GNAQ: variants seen among roughly 807,000 people sequenced by gnomAD.
The protein encoded by GNAQ is guanine nucleotide-binding protein G(q) subunit alpha.
GNAQ carries 8 observed loss-of-function variants against 43.9 expected under a neutral mutation model. The observed-to-expected ratio is 0.18, with a 90% CI of 0.11 to 0.33. GNAQ has a LOEUF of 0.33. Ranked by LOEUF, GNAQ falls within the 10% of genes least tolerant of loss-of-function variation. The probability of loss-of-function intolerance (pLI) is 1.00; values close to 1 mark genes in which losing one functional copy is unlikely to be tolerated. For synonymous variants in GNAQ, 155 were observed against 170.7 expected, an observed-to-expected ratio of 0.91 and a Z score of 0.71; for missense variants, 158 against 450.8, an observed-to-expected ratio of 0.35 and a Z score of 5.88.
At chr9:77,777,127 T>C (rs1826316818) in intron 5 of GNAQ, among the ~76,000 whole-genome samples, 1 of 152,098 alleles carries the variant, frequency 6.6e-6, no homozygotes, top group South Asian at 2.1e-4. Flanking sequence ...GACAATCCAA[T>C]GTGGAAAGAA....
At chr9:77,978,802 AT>A (rs1823333646) in intron 1 of GNAQ, among the ~76,000 whole-genome samples, 1 of 152,204 alleles carries the variant, frequency 6.6e-6, no homozygotes, top group East Asian at 1.9e-4. Context: ...GCTCACGCCT[AT>A]AATCCCAGCA....
chr9:78,002,908 T>G (rs143661382), intron 1 of GNAQ, among the ~76,000 whole-genome samples: 1 of 152,150 alleles, frequency 6.6e-6, no homozygotes, highest in African/African-American at 2.4e-5. Flanking sequence ...CAGTCTACCA[T>G]AGCATCTAGT....
chr9:77,897,256 G>C (rs1828518805), intron 2 of GNAQ, among the ~76,000 whole-genome samples: 1 of 152,150 alleles, frequency 6.6e-6, no homozygotes, highest in African/African-American at 2.4e-5. Context: ...TCTTTGTCAG[G>C]GATTTTAAAA....
At chr9:77,750,130 T>G (rs975893401) in intron 5 of GNAQ, among the ~76,000 whole-genome samples, 5 of 151,814 alleles carry the variant, frequency 3.3e-5, no homozygotes, top group African/African-American at 1.2e-4. Flanking sequence ...AAAAATATTA[T>G]TTCCACTGAA....
chr9:77,890,546 A>C (rs1828387816), intron 2 of GNAQ, among the ~76,000 whole-genome samples: 1 of 152,188 alleles, frequency 6.6e-6, no homozygotes, highest in Non-Finnish European at 1.5e-5. Context: ...CAACATGGAG[A>C]AACCCCGTCT....
intron 1 of GNAQ, among the ~76,000 whole-genome samples, chr9:77,964,016 T>A (rs1823136550): frequency 1.3e-5 from 2 of 152,306 alleles, no homozygotes; most frequent in South Asian, 4.1e-4. Flanking sequence ...ATGGCTAGTA[T>A]CATTGCTTAC....
intron 2 of GNAQ, among the ~76,000 whole-genome samples, chr9:77,868,138 G>T (rs1380221204): frequency 1.3e-5 from 2 of 152,180 alleles, no homozygotes; most frequent in Non-Finnish European, 2.9e-5. Context: ...GCATATCACA[G>T]CATATAGCAT....
intron 5 of GNAQ, among the ~76,000 whole-genome samples, chr9:77,786,000 TAGCCCAGAGA>T (rs374169828): frequency 2.4e-4 from 36 of 152,272 alleles, no homozygotes; most frequent in African/African-American, 7.0e-4. Flanking sequence ...ATCAACCAAA[TAGCCCAGAGA>T]AAGACTCGTG....
intron 1 of GNAQ, among the ~76,000 whole-genome samples, chr9:78,004,363 C>T (rs906496466): frequency 3.3e-5 from 5 of 152,022 alleles, no homozygotes; most frequent in African/African-American, 4.8e-5. Context: ...CACCATTCTC[C>T]GAAGTGGGGT....
At chr9:77,917,425 T>G (rs910229154) in intron 2 of GNAQ, among the ~76,000 whole-genome samples, 4 of 152,068 alleles carry the variant, frequency 2.6e-5, no homozygotes, top group African/African-American at 9.7e-5. Context: ...GCTTAGTACC[T>G]GAGTGACAAA....
At chr9:77,774,655 G>C (rs892122491) in intron 5 of GNAQ, among the ~76,000 whole-genome samples, 1 of 152,014 alleles carries the variant, frequency 6.6e-6, no homozygotes, top group Middle Eastern at 3.2e-3. Flanking sequence ...TAGAGACAGG[G>C]TCTCACTCTG....
At chr9:77,781,211 C>T (rs1447959481) in intron 5 of GNAQ, among the ~76,000 whole-genome samples, 4 of 152,004 alleles carry the variant, frequency 2.6e-5, no homozygotes, top group Non-Finnish European at 2.9e-5. Context: ...ATGTTTTCCT[C>T]TAGCAGTTTT....
intron 1 of GNAQ, among the ~76,000 whole-genome samples, chr9:77,950,323 C>T (rs1354519784): frequency 6.6e-6 from 1 of 152,182 alleles, no homozygotes; most frequent in Non-Finnish European, 1.5e-5. Context: ...GCTGATTCTT[C>T]CCTGATTTGC....
intron 1 of GNAQ, among the ~76,000 whole-genome samples, chr9:78,029,782 T>C (rs1824026933): frequency 6.6e-6 from 1 of 152,232 alleles, no homozygotes; most frequent in Non-Finnish European, 1.5e-5. Context: ...AAATGCATGC[T>C]TCTCACAAAC....
chr9:77,974,540 G>A (rs1314119945), intron 1 of GNAQ, among the ~76,000 whole-genome samples: 1 of 152,176 alleles, frequency 6.6e-6, no homozygotes, highest in African/African-American at 2.4e-5. Flanking sequence ...CTAGGCACTA[G>A]TACAATCATA....
chr9:77,781,609 C>T (rs1354039166), intron 5 of GNAQ, among the ~76,000 whole-genome samples: 1 of 151,890 alleles, frequency 6.6e-6, no homozygotes, highest in Non-Finnish European at 1.5e-5. Context: ...ATAAAATTCC[C>T]AACAAAATAT....
intron 4 of GNAQ, among the ~76,000 whole-genome samples, chr9:77,795,617 A>C (rs954161609): frequency 2.6e-5 from 4 of 152,186 alleles, no homozygotes; most frequent in African/African-American, 9.7e-5. Flanking sequence ...AAGCCTAGTA[A>C]GGCACAGGAG....
intron 5 of GNAQ, among the ~76,000 whole-genome samples, chr9:77,767,878 C>A (rs1334769794): frequency 1.3e-5 from 2 of 152,130 alleles, no homozygotes; most frequent in Non-Finnish European, 2.9e-5. Context: ...AATATACTCT[C>A]CAAATACAAG....
chr9:77,787,739 G>A lies in GNAQ; in HGVS notation c.735+6724C>T, dbSNP rs144569803. Among the ~76,000 whole-genome samples, 757 of 152,192 alleles carry A rather than the reference G, an allele frequency of 5.0e-3. 9 individuals are homozygous for A. The highest frequency in any genetic ancestry group is 0.017 in the African/African-American group (692 of 41,534). On this transcript the variant is annotated intron_variant, in intron 5 of 6. Coordinates refer to ENST00000286548, the MANE Select transcript of GNAQ (RefSeq NM_002072.5). ...TGAGTTGATCACATTAAATTAAAAC[G>A]CTTCTGCTGGCCAGGCATGGTGGCT...
Sources: allele counts gnomAD v4.1 joint callset (sites outside exome capture counted in the v4.1 genomes callset), GRCh38; gene constraint gnomAD v4.1.1; transcripts MANE v1.5; gene names NCBI Gene and HGNC (gene_info 2026-07-23, HGNC 2026-07-21).